The following ERICH5 variants were observed in gnomAD, a reference collection of about 807,000 sequenced individuals.
The protein encoded by ERICH5 is glutamate rich 5, also known as glutamate-rich protein 5.
In ERICH5, 24 loss-of-function variants were observed where a neutral mutation model predicts 28.0. The observed-to-expected ratio is 0.86, with a 90% confidence interval of 0.62 to 1.21. The LOEUF (loss-of-function observed/expected upper bound fraction) is 1.21. Ranked by LOEUF, ERICH5 falls within the 50% of genes most tolerant of loss-of-function variation. The pLI, the probability that ERICH5 is intolerant of heterozygous loss-of-function variation, is 0.00. For missense variants in ERICH5, 421 were observed against 441.2 expected, an observed-to-expected ratio of 0.95 and a Z score of 0.41; for synonymous variants, 163 against 157.6, an observed-to-expected ratio of 1.03 and a Z score of -0.25.
At chr8:98,067,872 G>A (rs945328415) in intron 1 of ERICH5, among the ~76,000 whole-genome samples, 1 of 152,012 alleles carries the variant, frequency 6.6e-6, no homozygotes, top group African/African-American at 2.4e-5. Context: ...CCAAAGTACT[G>A]GGATTATAGG....
In ERICH5 at chr8:98,073,743, A is replaced by G. The variant is rs1219689523; in HGVS notation, c.58+9016A>G. 2.7e-5 allele frequency among the ~76,000 whole-genome samples: 4 copies of G among 149,646 alleles called. No homozygotes were observed. In the East Asian group the frequency reaches 7.9e-4, roughly 30 times the overall value. On this transcript the variant is annotated intron_variant, in intron 1 of 2. Coordinates refer to ENST00000318528, the MANE Select transcript of ERICH5 (RefSeq NM_173549.3). ...TATTTAGTAGAGACAGGGTTTTACC[A>G]TGTTGGTCAGGCTGGCCTCGAACTC... is the stretch of plus-strand genomic sequence containing the variant.
intron 1 of ERICH5, among the ~76,000 whole-genome samples, chr8:98,076,865 G>A (rs868463482): frequency 1.3e-5 from 2 of 151,988 alleles, no homozygotes; most frequent in South Asian, 2.1e-4. Flanking sequence ...CTCTGGGACC[G>A]CAATTTGCTT....
Position 98,089,326 on chromosome 8 carries a change from G to C in ERICH5, c.309G>C (p.Lys103Asn), listed in dbSNP as rs35339824. The C allele has an allele frequency of 1.7e-3, 2,698 of 1,614,230 alleles. 14 individuals carry two copies. The highest frequency in any genetic ancestry group is 1.5e-3 in the Non-Finnish European group (1,757 of 1,180,028). The change falls in exon 2 of 3, where the codon AAG becomes AAC. Residue 103 changes from lysine (K) to asparagine (N), a missense_variant. Transcript: ENST00000318528. ...CAGACCAATCAGGGTCCACAGAAAA[G>C]ACTCAGCCTGGAGAGGGACTGGAGG... ...DATDQSGSTE[K>N]TQPGEGLEES...
In ERICH5 at chr8:98,089,944, G is replaced by A. The variant is rs201595695; in HGVS notation, c.927G>A (p.Glu309=). The A allele has an allele frequency of 1.7e-5, 28 of 1,614,238 alleles. No individual in the cohort carries two copies. The highest frequency in any genetic ancestry group is 2.1e-5 in the Non-Finnish European group (25 of 1,180,046). Residue 309 remains glutamate, a synonymous_variant, in exon 2 of 3, where the codon GAG becomes GAA. Transcript: ENST00000318528. ...IQPEGIVGSM[E]HPARNVEAGA... ...CTGAAGGAATAGTTGGAAGCATGGAGCATCCAGCACGAAATGTAGAGGCAG... is the reference window on the plus strand; with the variant it reads ...CTGAAGGAATAGTTGGAAGCATGGAACATCCAGCACGAAATGTAGAGGCAG...
chr8:98,085,446 AGC>A (rs1296311749), intron 1 of ERICH5, among the ~76,000 whole-genome samples: 6 of 151,966 alleles, frequency 3.9e-5, no homozygotes, highest in Non-Finnish European at 8.8e-5. Flanking sequence ...TACAGGCGTG[AGC>A]CACCGCTCCC....
chr8:98,070,711 A>G (rs1814901391), intron 1 of ERICH5, among the ~76,000 whole-genome samples: 1 of 149,960 alleles, frequency 6.7e-6, no homozygotes, highest in African/African-American at 2.4e-5. Flanking sequence ...AAAGAGAATG[A>G]AAGAAAAGAA....
In ERICH5 at chr8:98,089,404, A is replaced by G; in HGVS notation, c.387A>G (p.Gly129=). Residue 129 remains glycine, a synonymous_variant, in exon 2 of 3, where the codon GGA becomes GGG. Transcript: ENST00000318528. ...GGKEDAPAAE[G]KKKDAGAGTE... is the part of the protein sequence containing the mutation. ...AAGAGGATGCCCCAGCAGCAGAAGG[A>G]AAGAAGAAAGATGCAGGAGCAGGGA... 1 of 1,614,230 alleles carries G rather than the reference A, an allele frequency of 6.2e-7. No individual in the cohort carries two copies. The highest frequency in any genetic ancestry group is 8.5e-7 in the Non-Finnish European group (1 of 1,180,048).
chr8:98,075,414 G>T (rs1815031089), intron 1 of ERICH5, among the ~76,000 whole-genome samples: 1 of 152,166 alleles, frequency 6.6e-6, no homozygotes, highest in Non-Finnish European at 1.5e-5. Flanking sequence ...CCTCAAAGGT[G>T]TATCAGGTTG....
At chr8:98,069,637 T>A (rs1390300044) in intron 1 of ERICH5, among the ~76,000 whole-genome samples, 2 of 152,254 alleles carry the variant, frequency 1.3e-5, no homozygotes, top group Non-Finnish European at 2.9e-5. Flanking sequence ...GTTTACAGTC[T>A]TTCCCTGTTG....
At chr8:98,091,756 A>G (rs1339897554) in intron 2 of ERICH5, among the ~76,000 whole-genome samples, 1 of 152,220 alleles carries the variant, frequency 6.6e-6, no homozygotes, top group African/African-American at 2.4e-5. Context: ...CATAATGGCC[A>G]AGCCAGACAG....
chr8:98,087,016 T>C (rs192149400), intron 1 of ERICH5, among the ~76,000 whole-genome samples: 4 of 148,168 alleles, frequency 2.7e-5, no homozygotes, highest in African/African-American at 7.5e-5. Flanking sequence ...TCAAGGAGAA[T>C]AGGAAAAGAG....
Position 98,073,403 on chromosome 8 carries a change from C to CCTCTCTCTCTCTCTCTCTCTCTCTCT in ERICH5, c.58+8681_58+8706dup, listed in dbSNP as rs372150799. On this transcript the variant is annotated intron_variant, in intron 1 of 2. Coordinates refer to ENST00000318528, the MANE Select transcript of ERICH5 (RefSeq NM_173549.3). ...ACCAGCCTAACCAACATAGTGAGACCCTCTCTCTCTCTCTCTCTCTCTCTC... is the reference window on the plus strand; with the variant it reads ...ACCAGCCTAACCAACATAGTGAGACCCTCTCTCTCTCTCTCTCTCTCTCTCTCTCTCTCTCTCTCTCTCTCTCTCTC... Among the ~76,000 whole-genome samples the CCTCTCTCTCTCTCTCTCTCTCTCTCT allele has an allele frequency of 1.5e-4, 4 of 26,842 alleles. 1 individual carries two copies. Among genetic ancestry groups the CCTCTCTCTCTCTCTCTCTCTCTCTCT allele is most frequent in the Admixed American group, 5.0e-4 (1 of 1,996 alleles). 17.6% of individuals were successfully genotyped at this position (26,842 alleles called of 152,430 possible).
rs1815076425 is a variant in ERICH5 at position 98,077,356 on chromosome 8, G to A, written c.59-11720G>A. Among the ~76,000 whole-genome samples, 3 of 152,200 alleles carry A rather than the reference G, an allele frequency of 2.0e-5. No homozygotes were observed. The South Asian group carries it at 6.2e-4, about 32-fold the overall frequency. On this transcript the variant is annotated intron_variant, in intron 1 of 2. Transcript: ENST00000318528. ...GTCTCCTTTCCTTGTTCAGTGAGAT[G>A]GCTTTGATTTTATAAACTGGATTTC...
intron 1 of ERICH5, among the ~76,000 whole-genome samples, chr8:98,075,813 G>T (rs1170528421): frequency 2.9e-5 from 1 of 34,434 alleles, no homozygotes; most frequent in African/African-American, 7.5e-5. Flanking sequence ...TTGAGACAGG[G>T]TGTTGCTATG....
At chr8:98,084,502 T>G (rs941159168) in intron 1 of ERICH5, among the ~76,000 whole-genome samples, 1 of 152,144 alleles carries the variant, frequency 6.6e-6, no homozygotes, top group African/African-American at 2.4e-5. Flanking sequence ...TGCCTCAGCC[T>G]CCCAAGTAGC....
chr8:98,081,311 G>C (rs886619714), intron 1 of ERICH5, among the ~76,000 whole-genome samples: 19 of 151,912 alleles, frequency 1.3e-4, no homozygotes, highest in Non-Finnish European at 2.9e-5. Context: ...TCGCCATGTT[G>C]TCCAGGCAGG....
In ERICH5 at chr8:98,093,353, C is replaced by T. The variant is rs1815444088; in HGVS notation, c.*20C>T. On this transcript the variant is annotated 3_prime_UTR_variant, in exon 3 of 3. Coordinates refer to ENST00000318528, the MANE Select transcript of ERICH5 (RefSeq NM_173549.3). ...ACATAGATAGAAGAGTGAACCGACA[C>T]AGTGTGTTATCATAGAGGAGACAAA... The T allele has an allele frequency of 1.9e-6, 3 of 1,556,246 alleles. No individual in the cohort carries two copies. In the South Asian group the frequency reaches 3.4e-5, roughly 17 times the overall value.
At chr8:98,071,985 C>G (rs1055874825) in intron 1 of ERICH5, among the ~76,000 whole-genome samples, 1 of 151,532 alleles carries the variant, frequency 6.6e-6, no homozygotes, top group East Asian at 1.9e-4. Context: ...AGGCTTCAAG[C>G]AACCCTAATA....
chr8:98,073,117 C>T (rs949252975), intron 1 of ERICH5, among the ~76,000 whole-genome samples: 3 of 151,904 alleles, frequency 2.0e-5, no homozygotes, highest in Non-Finnish European at 4.4e-5. Context: ...GAATGTGGGC[C>T]TGGAGTTAGA....
Sources: gnomAD v4.1 joint callset for allele counts (sites outside exome capture counted in the v4.1 genomes callset) on GRCh38, gnomAD v4.1.1 for gene constraint, MANE v1.5 for transcripts, NCBI Gene and HGNC (gene_info 2026-07-23, HGNC 2026-07-21) for gene names.